IL5RA: variants seen among roughly 807,000 people sequenced by gnomAD.
IL5RA encodes the protein interleukin 5 receptor subunit alpha.
A neutral mutation model predicts 50.0 loss-of-function variants in IL5RA; 49 were observed. That is an observed-to-expected ratio of 0.98 (90% CI 0.78 to 1.24). The LOEUF is 1.24. IL5RA is among the 50% of genes most tolerant of loss of function. The pLI is 0.00. For synonymous variants in IL5RA, 202 were observed against 174.0 expected, an observed-to-expected ratio of 1.16 and a Z score of -1.26; for missense variants, 600 against 500.4, an observed-to-expected ratio of 1.20 and a Z score of -1.90.
At chr3:3,079,555 T>C (rs1702594058) in intron 9 of IL5RA, among the ~76,000 whole-genome samples, 1 of 152,192 alleles carries the variant, frequency 6.6e-6, no homozygotes, top group African/African-American at 2.4e-5. Flanking sequence ...AAACCTGGCT[T>C]GTAGTCTCAG....
intron 7 of IL5RA, among the ~76,000 whole-genome samples, chr3:3,097,154 A>C (rs554116195): frequency 3.1e-4 from 47 of 152,342 alleles, no homozygotes; most frequent in African/African-American, 1.1e-3. Context: ...ATCTGGGATG[A>C]GGGAGAGTGT....
intron 11 of IL5RA, among the ~76,000 whole-genome samples, chr3:3,071,185 C>T (rs1035887556): frequency 1.3e-5 from 2 of 152,220 alleles, no homozygotes; most frequent in Non-Finnish European, 2.9e-5. Context: ...AGTGCCGTGT[C>T]TCGGGAATTC....
chr3:3,096,931 A>G (rs1196771917), intron 7 of IL5RA, among the ~76,000 whole-genome samples: 2 of 152,324 alleles, frequency 1.3e-5, no homozygotes, highest in East Asian at 3.9e-4. Context: ...ACTGCACAGG[A>G]AGTATTGATT....
Position 3,066,977 on chromosome 3 carries a change from ACT to A in IL5RA, c.*3246_*3247del, listed in dbSNP as rs1452398146. The A allele has an allele frequency of 2.0e-5, 3 of 152,076 alleles. No individual in the cohort carries two copies. The highest frequency in any genetic ancestry group is 4.8e-5 in the African/African-American group (2 of 41,400). The allele number at this position is 152,076 out of a possible 1,614,324, so 9.4% of individuals were successfully genotyped here. ...CTGTGGAGGCTCTAGGAGAAAAGTGACTCTCTACACTCGTCCTAGTGAGAGAT... is the reference window on the plus strand; with the variant it reads ...CTGTGGAGGCTCTAGGAGAAAAGTGACTCTACACTCGTCCTAGTGAGAGAT... On this transcript the variant is annotated 3_prime_UTR_variant, in exon 12 of 12. Coordinates refer to ENST00000446632, the MANE Select transcript of IL5RA (RefSeq NM_175726.4).
rs1261020406 is a variant in IL5RA, at chr3:3,104,991, C to G, written c.-3-4G>C. 6.3e-7 allele frequency: 1 copy of G among 1,599,202 alleles called. No individual in the cohort carries two copies. The highest frequency in any genetic ancestry group is 8.6e-7 in the Non-Finnish European group (1 of 1,168,646). ...CATGCGCCACGATGATCATATCCTA[C>G]AGAAAACAAGGGAGATACCAAAATC... is the stretch of plus-strand genomic sequence containing the variant. On this transcript the variant is annotated splice_polypyrimidine_tract_variant and splice_region_variant and intron_variant, in intron 2 of 11. Transcript: ENST00000446632.
rs1490325517 is a variant in IL5RA, at chr3:3,092,018, C to G, written c.994+206G>C. The G allele has an allele frequency of 7.8e-7, 1 of 1,285,424 alleles. No homozygotes were observed. The highest frequency in any genetic ancestry group is 1.5e-5 in the African/African-American group (1 of 65,418). 79.6% of individuals were successfully genotyped at this position (1,285,424 alleles called of 1,614,324 possible). ...GGCACCAGGTCTAGGAGAGTTGGCG[C>G]TAATGAGAAGCCTAGACACTTAAAA... On this transcript the variant is annotated intron_variant, in intron 9 of 11. Coordinates refer to ENST00000446632, the MANE Select transcript of IL5RA (RefSeq NM_175726.4). The surrounding 1 kb of genome is among the most constrained non-coding windows in gnomAD (Gnocchi z 4.2).
At chr3:3,101,551 T>TTA in intron 5 of IL5RA, 141 bp downstream of exon 5, 1 of 712,638 alleles carries the variant, frequency 1.4e-6, no homozygotes, top group Non-Finnish European at 2.3e-6. Flanking sequence ...GCAGCCTTGG[T>TTA]TAGGATGTTG....
At chr3:3,097,046 G>T (rs925580542) in intron 7 of IL5RA, among the ~76,000 whole-genome samples, 1 of 152,128 alleles carries the variant, frequency 6.6e-6, no homozygotes, top group Non-Finnish European at 1.5e-5. Flanking sequence ...AGGCAGTCTG[G>T]CCCCACAGCC....
intron 2 of IL5RA, among the ~76,000 whole-genome samples, chr3:3,106,022 A>G (rs1321029674): frequency 6.6e-6 from 1 of 152,190 alleles, no homozygotes; most frequent in Non-Finnish European, 1.5e-5. Flanking sequence ...GGTACCAGAC[A>G]CATGTGGCTG....
At chr3:3,081,701 A>G (rs999770040) in intron 9 of IL5RA, among the ~76,000 whole-genome samples, 1 of 152,246 alleles carries the variant, frequency 6.6e-6, no homozygotes, top group Non-Finnish European at 1.5e-5. Context: ...CCTCACTTTG[A>G]TAAGCGAAGA....
intron 4 of IL5RA, 150 bp from the exon 5 acceptor site, chr3:3,101,980 A>C: frequency 1.5e-6 from 1 of 684,980 alleles, no homozygotes; most frequent in Non-Finnish European, 2.4e-6. Context: ...AAACAAAACC[A>C]TTGTAATAAC....
intron 9 of IL5RA, 73 bp from the exon 10 acceptor site, chr3:3,076,700 G>A (rs1702498084): frequency 3.2e-6 from 3 of 942,052 alleles, no homozygotes; most frequent in African/African-American, 1.7e-5. Context: ...GAAATGATGA[G>A]GCTTGGGTCA....
chr3:3,082,579 T>C (rs1176276594), intron 9 of IL5RA, among the ~76,000 whole-genome samples: 1 of 152,244 alleles, frequency 6.6e-6, no homozygotes, highest in Non-Finnish European at 1.5e-5. Flanking sequence ...ATCTTAAGCA[T>C]TTGACCTTGC....
Position 3,070,210 on chromosome 3 carries a change from A to T in IL5RA, c.*15T>A. 1 of 1,571,312 alleles carries T rather than the reference A, an allele frequency of 6.4e-7. No homozygotes were observed. Among genetic ancestry groups the T allele is most frequent in the African/African-American group, 1.4e-5 (1 of 74,022 alleles). On this transcript the variant is annotated 3_prime_UTR_variant, in exon 12 of 12. Transcript: ENST00000446632. Reference sequence around the variant, plus strand: ...GAGGCATGTGTGAGTTCATCAGAGGATGCCAAAGTGACAGTCAAAACACAG... The same window carrying T: ...GAGGCATGTGTGAGTTCATCAGAGGTTGCCAAAGTGACAGTCAAAACACAG...
intron 7 of IL5RA, 95 bp from the exon 8 acceptor site, chr3:3,095,539 A>G: frequency 9.8e-7 from 1 of 1,018,698 alleles, no homozygotes; most frequent in Non-Finnish European, 1.5e-6. Context: ...AGGCATTTCT[A>G]AGATACGCTT....
At chr3:3,079,903 G>A (rs1702608320) in intron 9 of IL5RA, among the ~76,000 whole-genome samples, 7 of 151,964 alleles carry the variant, frequency 4.6e-5, no homozygotes, top group Admixed American at 4.6e-4. Flanking sequence ...GTGTGGTGCC[G>A]CATGGCTGTC....
At position 3,074,808 on chromosome 3, in the gene IL5RA, CT is replaced by C; in HGVS notation, c.1149del (p.Asp384IlefsTer4). 1.2e-6 allele frequency: 2 copies of C among 1,608,004 alleles called. No homozygotes were observed. Among genetic ancestry groups the C allele is most frequent in the Non-Finnish European group, 1.7e-6 (2 of 1,174,490 alleles). On this transcript the variant is annotated frameshift_variant, in exon 11 of 12. Transcript: ENST00000446632. LOFTEE classifies it low-confidence loss of function (END_TRUNC). ...PPIPAPKSNI[K>X]DLFVTTNYEK... ...TCATAGTTAGTGGTTACAAAGAGAT[CT>C]TTGATATTACTTTTTGGTGCTGGAA...
At chr3:3,088,321 G>C (rs913607226) in intron 9 of IL5RA, among the ~76,000 whole-genome samples, 24 of 152,146 alleles carry the variant, frequency 1.6e-4, no homozygotes, top group African/African-American at 5.8e-4. Flanking sequence ...TTACAGGTGA[G>C]GATGCTAAGC....
At chr3:3,104,846 C>A in intron 3 of IL5RA, 57 bp downstream of exon 3, 1 of 1,053,734 alleles carries the variant, frequency 9.5e-7, no homozygotes, top group South Asian at 1.4e-5. Context: ...TAATGTTATC[C>A]TTTTACTAAC....
Sources: gnomAD v4.1 joint callset for allele counts (sites outside exome capture counted in the v4.1 genomes callset) on GRCh38, gnomAD v4.1.1 for gene constraint, Gnocchi (gnomAD v3.1) non-coding constraint, MANE v1.5 for transcripts, NCBI Gene and HGNC (gene_info 2026-07-23, HGNC 2026-07-21) for gene names.